Variants in CRISPLD2 observed in about 807,000 individuals in gnomAD.
CRISPLD2 encodes the protein cysteine rich secretory protein LCCL domain containing 2.
Under a neutral mutation model 71.1 loss-of-function variants are expected in CRISPLD2, and 47 were observed. The observed-to-expected ratio is 0.66, with a 90% CI of 0.52 to 0.84. The LOEUF is 0.84. Among genes scored for constraint, CRISPLD2 ranks in the 40% least tolerant of loss-of-function variants. The pLI, the probability that CRISPLD2 is intolerant of heterozygous loss-of-function variation, is 0.00. For missense variants in CRISPLD2, 830 were observed against 651.1 expected, an observed-to-expected ratio of 1.27 and a Z score of -2.99; for synonymous variants, 317 against 250.1, an observed-to-expected ratio of 1.27 and a Z score of -2.52.
At chr16:84,853,874 G>A (rs1174922777) in intron 5 of CRISPLD2, among the ~76,000 whole-genome samples, 1 of 152,242 alleles carries the variant, frequency 6.6e-6, no homozygotes, top group Non-Finnish European at 1.5e-5. Flanking sequence ...GAGGCTGGCC[G>A]AGGGCACATG....
intron 1 of CRISPLD2, among the ~76,000 whole-genome samples, chr16:84,824,854 C>G (rs1916311119): frequency 6.7e-6 from 1 of 148,810 alleles, no homozygotes; most frequent in Non-Finnish European, 1.5e-5. Flanking sequence ...CCTGTCATCC[C>G]AGCACTTTGG....
Position 84,820,032 on chromosome 16 carries a change from C to CGCTGTGCCCGCTGTGCCT in CRISPLD2, c.-164_-147dup, listed in dbSNP as rs1252127692. ...GGCTGCTCCTATTGAGCTGTCTGCT[C>CGCTGTGCCCGCTGTGCCT]GCTGTGCCCGCTGTGCCTGCTGTGC... is the stretch of plus-strand genomic sequence containing the variant. On this transcript the variant is annotated 5_prime_UTR_variant, in exon 1 of 15. Coordinates refer to ENST00000262424, the MANE Select transcript of CRISPLD2 (RefSeq NM_031476.4). 6.6e-6 allele frequency: 1 copy of CGCTGTGCCCGCTGTGCCT among 152,374 alleles called. No individual in the cohort carries two copies. The highest frequency in any genetic ancestry group is 2.4e-5 in the African/African-American group (1 of 41,458). The allele number at this position is 152,374 out of a possible 1,614,324, so 9.4% of individuals were successfully genotyped here.
chr16:84,896,916 C>G (rs1005548943), intron 14 of CRISPLD2, among the ~76,000 whole-genome samples: 1 of 152,234 alleles, frequency 6.6e-6, no homozygotes, highest in African/African-American at 2.4e-5. Context: ...CACAGGGCAG[C>G]TTCCCTGTCT....
chr16:84,857,361 C>G lies in CRISPLD2; in HGVS notation c.709+2532C>G, dbSNP rs145628944. On this transcript the variant is annotated intron_variant, in intron 6 of 14. Transcript: ENST00000262424. Reference sequence around the variant, plus strand: ...GAGGTCACCTTTTGGTGAGCATTGACATGGGATACAAACATCTTCACAGTT... The same window carrying G: ...GAGGTCACCTTTTGGTGAGCATTGAGATGGGATACAAACATCTTCACAGTT... 4.0e-3 allele frequency among the ~76,000 whole-genome samples: 616 copies of G among 152,340 alleles called. 5 individuals carry two copies. Among genetic ancestry groups the G allele is most frequent in the African/African-American group, 0.014 (595 of 41,580 alleles).
At chr16:84,850,526 C>T in intron 4 of CRISPLD2, 42 bp from the exon 5 acceptor site, 2 of 1,547,874 alleles carry the variant, frequency 1.3e-6, no homozygotes, top group Non-Finnish European at 1.8e-6. Context: ...CCCTTTTGTG[C>T]CTTATCCCTC....
intron 8 of CRISPLD2, among the ~76,000 whole-genome samples, chr16:84,869,925 A>ATG (rs2071451309): frequency 2.0e-5 from 3 of 152,112 alleles, no homozygotes; most frequent in Admixed American, 6.5e-5. Context: ...AGGCAGTTCC[A>ATG]GAGTTGGGGT....
chr16:84,868,608 A>G (rs951747250), intron 7 of CRISPLD2, among the ~76,000 whole-genome samples: 4 of 152,354 alleles, frequency 2.6e-5, no homozygotes, highest in Middle Eastern at 3.4e-3. Flanking sequence ...CGCATTGTCC[A>G]TATGCGGAAA....
chr16:84,886,097 T>C (rs1451246331), intron 13 of CRISPLD2, among the ~76,000 whole-genome samples: 2 of 151,882 alleles, frequency 1.3e-5, no homozygotes, highest in Admixed American at 6.6e-5. Context: ...ACCATGTTGG[T>C]CAGGCTGATC....
chr16:84,874,656 A>T (rs576825900), intron 11 of CRISPLD2, among the ~76,000 whole-genome samples: 132 of 152,308 alleles, frequency 8.7e-4, no homozygotes, highest in African/African-American at 3.0e-3. Flanking sequence ...ATTTGCCCTC[A>T]TGCAAAAGTT....
chr16:84,844,576 G>A (rs1281775748), intron 2 of CRISPLD2, among the ~76,000 whole-genome samples: 3 of 151,860 alleles, frequency 2.0e-5, no homozygotes, highest in Admixed American at 6.6e-5. Flanking sequence ...TTGGGCAGGC[G>A]GGTCTCCAAC....
At chr16:84,901,407 T>G (rs2071752543) in intron 14 of CRISPLD2, among the ~76,000 whole-genome samples, 1 of 151,776 alleles carries the variant, frequency 6.6e-6, no homozygotes, top group African/African-American at 2.4e-5. Flanking sequence ...AACTAAAATG[T>G]GCGGCTATGA....
At chr16:84,850,879 C>T (rs774935803) in intron 5 of CRISPLD2, among the ~76,000 whole-genome samples, 196 bp downstream of exon 5, 2 of 152,178 alleles carry the variant, frequency 1.3e-5, no homozygotes. Flanking sequence ...CGTCTTCCTG[C>T]CGTACCATTC....
At chr16:84,878,505 G>T (rs539558468) in intron 12 of CRISPLD2, among the ~76,000 whole-genome samples, 1 of 152,124 alleles carries the variant, frequency 6.6e-6, no homozygotes, top group Non-Finnish European at 1.5e-5. Flanking sequence ...GTTGTGGAGC[G>T]TGTTTGTTTA....
Position 84,843,076 on chromosome 16 carries a change from G to A in CRISPLD2, c.241-2710G>A, listed in dbSNP as rs1053072451. 6.6e-5 allele frequency among the ~76,000 whole-genome samples: 10 copies of A among 152,342 alleles called. 1 individual carries two copies. Among genetic ancestry groups the A allele is most frequent in the Admixed American group, 5.9e-4 (9 of 15,306 alleles). On this transcript the variant is annotated intron_variant, in intron 2 of 14. Transcript: ENST00000262424. ...AGGCCGCCCGGGCAGCCCAGAGCAG[G>A]CCTTTCATGTTTTCCTGTTTGTTTA...
At chr16:84,887,249 G>A (rs1012878030) in intron 13 of CRISPLD2, among the ~76,000 whole-genome samples, 2 of 152,198 alleles carry the variant, frequency 1.3e-5, no homozygotes, top group South Asian at 4.1e-4. Flanking sequence ...AAGCTTTTAA[G>A]CTCAGACCTG....
chr16:84,839,732 C>T (rs968911408), intron 2 of CRISPLD2: 6 of 152,326 alleles, frequency 3.9e-5, no homozygotes, highest in East Asian at 1.9e-4. Flanking sequence ...GTCCACCAAC[C>T]GGGAGCCTCC....
chr16:84,829,618 A>T (rs1302520902), intron 1 of CRISPLD2, among the ~76,000 whole-genome samples: 2 of 152,168 alleles, frequency 1.3e-5, no homozygotes, highest in African/African-American at 4.8e-5. Context: ...GTCTCAGCTG[A>T]GTGGTGCAGG....
chr16:84,857,623 G>A (rs1218878154), intron 6 of CRISPLD2, among the ~76,000 whole-genome samples: 1 of 152,168 alleles, frequency 6.6e-6, no homozygotes, highest in Non-Finnish European at 1.5e-5. Flanking sequence ...CATCCCTCAA[G>A]CATGTCCTAG....
chr16:84,870,324 T>C (rs1220609102), intron 8 of CRISPLD2, among the ~76,000 whole-genome samples: 1 of 152,096 alleles, frequency 6.6e-6, no homozygotes, highest in Non-Finnish European at 1.5e-5. Context: ...GTATTTTGTT[T>C]TTTTTTTTTC....
Sources: gnomAD v4.1 joint callset for allele counts (sites outside exome capture counted in the v4.1 genomes callset) on GRCh38, gnomAD v4.1.1 for gene constraint, MANE v1.5 for transcripts, NCBI Gene and HGNC (gene_info 2026-07-23, HGNC 2026-07-21) for gene names.